KCNH8: variants seen among roughly 807,000 people sequenced by gnomAD.
KCNH8 encodes potassium voltage-gated channel subfamily H member 8.
Under a neutral mutation model 103.6 loss-of-function variants are expected in KCNH8, and 70 were observed. That is an observed-to-expected ratio of 0.68 (90% CI 0.56 to 0.82). KCNH8 has a LOEUF of 0.82. Ranked by LOEUF, KCNH8 falls within the 40% of genes least tolerant of loss-of-function variation. The pLI is 0.00. For missense variants in KCNH8, 1,217 were observed against 1,329.9 expected (o/e 0.92, Z 1.32); for synonymous variants, 498 against 489.4 (o/e 1.02, Z -0.23).
intron 7 of KCNH8, among the ~76,000 whole-genome samples, chr3:19,428,860 C>T (rs1424025988): frequency 6.6e-6 from 1 of 152,160 alleles, no homozygotes; most frequent in Non-Finnish European, 1.5e-5. Flanking sequence ...GCATCTGACA[C>T]ATTTCTCTCT....
At chr3:19,458,505 A>G (rs1404903162) in intron 11 of KCNH8, among the ~76,000 whole-genome samples, 2 of 151,952 alleles carry the variant, frequency 1.3e-5, no homozygotes, top group Non-Finnish European at 2.9e-5. Context: ...TTCGTGGCAT[A>G]CAAAATGATG....
intron 3 of KCNH8, among the ~76,000 whole-genome samples, chr3:19,337,133 T>C (rs2065595340): frequency 6.6e-6 from 1 of 152,086 alleles, no homozygotes; most frequent in Non-Finnish European, 1.5e-5. Context: ...TCAAGCAAGT[T>C]CATTGAGAAT....
intron 15 of KCNH8, among the ~76,000 whole-genome samples, chr3:19,527,254 T>G (rs931449069): frequency 2.0e-5 from 3 of 152,086 alleles, no homozygotes; most frequent in Admixed American, 2.0e-4. Flanking sequence ...AAATTGTTAC[T>G]GGGAATGGCT....
In KCNH8 at chr3:19,390,522, G is replaced by A. The variant is rs763508040; in HGVS notation, c.853G>A (p.Gly285Ser). ...CCGAACAACTTATGTCAGCAAGTCTGGCCAAGTTATCTTTGAAGCAAGATC... is the reference window on the plus strand; with the variant it reads ...CCGAACAACTTATGTCAGCAAGTCTAGCCAAGTTATCTTTGAAGCAAGATC... The part of the protein sequence containing the change: ...NFRTTYVSKS[G>S]QVIFEARSIC... Residue 285 changes from glycine to serine, a missense_variant, in exon 6 of 16, where the codon GGC becomes AGC. Around this residue, in one of 3 missense-constraint regions of KCNH8, gnomAD observed 415 missense variants for 577.4 expected, o/e 0.72. Transcript: ENST00000328405. 2 of 1,612,694 alleles carry A rather than the reference G, an allele frequency of 1.2e-6. No individual in the cohort carries two copies. Among genetic ancestry groups the A allele is most frequent in the South Asian group, 2.2e-5 (2 of 90,988 alleles).
At chr3:19,230,658 TATC>T (rs1398434845) in intron 1 of KCNH8, among the ~76,000 whole-genome samples, 5 of 152,262 alleles carry the variant, frequency 3.3e-5, no homozygotes, top group African/African-American at 4.8e-5. Flanking sequence ...CAAAATCAGT[TATC>T]ATCAGTAACT....
At chr3:19,424,908 T>C (rs1381205725) in intron 7 of KCNH8, among the ~76,000 whole-genome samples, 1 of 152,104 alleles carries the variant, frequency 6.6e-6, no homozygotes, top group East Asian at 1.9e-4. Flanking sequence ...TATTTCAAAA[T>C]AAAGTTGAAC....
intron 14 of KCNH8, among the ~76,000 whole-genome samples, chr3:19,516,023 A>G (rs1466982203): frequency 6.6e-6 from 1 of 152,050 alleles, no homozygotes; most frequent in East Asian, 1.9e-4. Flanking sequence ...GATTCTGTCA[A>G]CAAGACAAAT....
intron 7 of KCNH8, among the ~76,000 whole-genome samples, chr3:19,399,628 C>G (rs532935978): frequency 1.3e-5 from 2 of 152,004 alleles, no homozygotes; most frequent in South Asian, 4.2e-4. Context: ...GTACTCACTT[C>G]ACATAGTATC....
chr3:19,189,184 G>A (rs952063810), intron 1 of KCNH8, among the ~76,000 whole-genome samples: 2 of 151,982 alleles, frequency 1.3e-5, no homozygotes, highest in Non-Finnish European at 2.9e-5. Flanking sequence ...CAGAAAGGTA[G>A]TTTAAAAGCT....
intron 5 of KCNH8, among the ~76,000 whole-genome samples, chr3:19,377,162 C>T (rs2066220579): frequency 6.6e-6 from 1 of 152,116 alleles, no homozygotes; most frequent in South Asian, 2.1e-4. Context: ...TAGCAGCCAA[C>T]AAAAATATTG....
intron 12 of KCNH8, among the ~76,000 whole-genome samples, chr3:19,511,934 C>T (rs547003119): frequency 3.2e-4 from 49 of 152,182 alleles, no homozygotes; most frequent in Admixed American, 1.4e-3. Flanking sequence ...AATCCGTATA[C>T]ACCAAAATCC....
chr3:19,501,190 A>C (rs1340686206), intron 11 of KCNH8, among the ~76,000 whole-genome samples: 6 of 152,238 alleles, frequency 3.9e-5, no homozygotes, highest in Admixed American at 2.6e-4. Flanking sequence ...AAATGGATAA[A>C]TTCCTCGACA....
At chr3:19,235,404 A>G (rs946217989) in intron 1 of KCNH8, among the ~76,000 whole-genome samples, 3 of 152,330 alleles carry the variant, frequency 2.0e-5, no homozygotes, top group Admixed American at 1.3e-4. Context: ...TTACATGTGC[A>G]CTCCAGAATT....
intron 10 of KCNH8, among the ~76,000 whole-genome samples, chr3:19,452,778 G>A (rs1455634119): frequency 6.6e-6 from 1 of 152,106 alleles, no homozygotes; most frequent in African/African-American, 2.4e-5. Context: ...GAGACAGATG[G>A]TGAAGGTATT....
At chr3:19,377,685 A>C (rs1041288325) in intron 5 of KCNH8, among the ~76,000 whole-genome samples, 3 of 152,168 alleles carry the variant, frequency 2.0e-5, no homozygotes, top group Non-Finnish European at 4.4e-5. Flanking sequence ...TCAACATTTG[A>C]CTGGGCATTG....
chr3:19,408,608 CA>C (rs1045703104), intron 7 of KCNH8, among the ~76,000 whole-genome samples: 2 of 151,640 alleles, frequency 1.3e-5, no homozygotes, highest in East Asian at 1.9e-4. Context: ...AAAATCAACA[CA>C]AAAAAAATTC....
chr3:19,360,145 C>T (rs2065929484), intron 5 of KCNH8, among the ~76,000 whole-genome samples: 1 of 152,010 alleles, frequency 6.6e-6, no homozygotes. Flanking sequence ...TGTGGCAAGA[C>T]TCAATCAAAT....
In KCNH8 at chr3:19,450,211, T is replaced by A; in HGVS notation, c.1481T>A (p.Ile494Asn). ...HTRTKDLKDFIRVHHLPQQLK... is the reference protein window; with the variant it reads ...HTRTKDLKDFNRVHHLPQQLK... Reference sequence around the variant, plus strand: ...AGAACTAAGGATCTGAAAGATTTCATCCGTGTCCATCACTTGCCCCAACAA... The same window carrying A: ...AGAACTAAGGATCTGAAAGATTTCAACCGTGTCCATCACTTGCCCCAACAA... Residue 494 changes from isoleucine to asparagine, a missense_variant, in exon 9 of 16, where the codon ATC becomes AAC. By Grantham distance (149) the Ile-to-Asn change is moderately radical (BLOSUM62 -3). Transcript: ENST00000328405. 6.2e-7 allele frequency: 1 copy of A among 1,613,688 alleles called. No individual in the cohort carries two copies. Among genetic ancestry groups the A allele is most frequent in the Non-Finnish European group, 8.5e-7 (1 of 1,179,770 alleles).
chr3:19,445,232 T>C (rs1379287039), intron 8 of KCNH8, among the ~76,000 whole-genome samples: 7 of 151,962 alleles, frequency 4.6e-5, no homozygotes, highest in African/African-American at 2.4e-5. Flanking sequence ...AAAGTACATA[T>C]TTTATGATTT....
Sources: gnomAD v4.1 joint callset for allele counts (sites outside exome capture counted in the v4.1 genomes callset) on GRCh38, gnomAD v4.1.1 for gene constraint, gnomAD v4.1.1 regional missense constraint, MANE v1.5 for transcripts, NCBI Gene and HGNC (gene_info 2026-07-23, HGNC 2026-07-21) for gene names.